The following SERINC3 variants were observed in gnomAD, a reference collection of about 807,000 sequenced individuals.
SERINC3 encodes the protein serine incorporator 3.
A neutral mutation model predicts 52.1 loss-of-function variants in SERINC3; 22 were observed. That is an observed-to-expected ratio of 0.42 (90% CI 0.30 to 0.60). The LOEUF (loss-of-function observed/expected upper bound fraction) is 0.60. Ranked by LOEUF, SERINC3 falls within the 20% of genes least tolerant of loss-of-function variation. SERINC3 has a pLI of 0.16. For missense variants in SERINC3, 564 were observed against 584.6 expected (o/e 0.96, Z 0.36); for synonymous variants, 226 against 212.7 (o/e 1.06, Z -0.54).
downstream of SERINC3, chr20:44,497,408 G>A (rs2064254444): frequency 6.6e-6 from 1 of 152,140 alleles, no homozygotes; most frequent in Non-Finnish European, 1.5e-5. Context: ...CTTTTAAAGA[G>A]CATTTGTTAC....
At chr20:44,516,402 T>C (rs2064381143) in intron 1 of SERINC3, among the ~76,000 whole-genome samples, 1 of 149,070 alleles carries the variant, frequency 6.7e-6, no homozygotes, top group East Asian at 1.9e-4. Flanking sequence ...CTTTTCTTTC[T>C]TTTTTTTTGA....
rs547290734 is a variant in SERINC3 at position 44,505,369 on chromosome 20, C to T, written c.784-478G>A. 4.6e-5 allele frequency among the ~76,000 whole-genome samples: 7 copies of T among 152,084 alleles called. No homozygotes were observed. The East Asian group carries it at 1.2e-3, about 25-fold the overall frequency. On this transcript the variant is annotated intron_variant, in intron 6 of 9. Transcript: ENST00000342374. The stretch of plus-strand genomic sequence containing the variant: ...AGACGGAGTCTCGCTTTTGTCACCC[C>T]GGCTGGAGTGCAGTGGTGCGATCTC...
At chr20:44,519,801 A>C (rs2064404208) in intron 1 of SERINC3, among the ~76,000 whole-genome samples, 1 of 152,134 alleles carries the variant, frequency 6.6e-6, no homozygotes, top group African/African-American at 2.4e-5. Context: ...AAAAAAAAAA[A>C]AGAAAAATAG....
rs1043366709 is a variant in SERINC3 at position 44,498,596 on chromosome 20, A to G, written c.*1700T>C. 4 of 149,078 alleles carry G rather than the reference A, an allele frequency of 2.7e-5. No individual in the cohort carries two copies. Among genetic ancestry groups the G allele is most frequent in the Non-Finnish European group, 6.0e-5 (4 of 67,100 alleles). The allele number at this position is 149,078 out of a possible 1,614,324, so 9.2% of individuals were successfully genotyped here. ...GTCTCAAAAAAAAAAATTAAAATTG[A>G]AAAAAAAAAATTCTAATTGCTAAGT... On this transcript the variant is annotated 3_prime_UTR_variant, in exon 10 of 10. Coordinates refer to ENST00000342374, the MANE Select transcript of SERINC3 (RefSeq NM_006811.4).
Position 44,505,320 on chromosome 20 carries a change from C to T in SERINC3, c.784-429G>A, listed in dbSNP as rs574538185. ...CTATAACTCCATGAATTTTTTTAAA[C>T]GGTTTTTTTTTCTTTTTTTTCTGAG... On this transcript the variant is annotated intron_variant, in intron 6 of 9. Transcript: ENST00000342374. Among the ~76,000 whole-genome samples the T allele has an allele frequency of 3.6e-4, 54 of 152,014 alleles. No individual in the cohort carries two copies. In the Middle Eastern group the frequency reaches 0.01, roughly 29 times the overall value.
At chr20:44,513,805 C>T (rs750308744) in intron 2 of SERINC3, 74 bp downstream of exon 2, 87 of 1,311,266 alleles carry the variant, frequency 6.6e-5, no homozygotes, top group Non-Finnish European at 8.0e-5. Flanking sequence ...TTAACAACGA[C>T]GAAATAAAAC....
intron 4 of SERINC3, among the ~76,000 whole-genome samples, 171 bp from the exon 5 acceptor site, chr20:44,510,199 G>T (rs2064338564): frequency 6.6e-6 from 1 of 152,128 alleles, no homozygotes; most frequent in Non-Finnish European, 1.5e-5. Context: ...CTTTCTACTG[G>T]GTTTCAGACC....
At chr20:44,510,853 T>G (rs2064342892) in intron 4 of SERINC3, among the ~76,000 whole-genome samples, 1 of 152,108 alleles carries the variant, frequency 6.6e-6, no homozygotes, top group Admixed American at 6.6e-5. Context: ...TAAGTCATAT[T>G]AATCGGATAC....
At chr20:44,518,879 G>A (rs2064397843) in intron 1 of SERINC3, among the ~76,000 whole-genome samples, 1 of 151,570 alleles carries the variant, frequency 6.6e-6, no homozygotes, top group East Asian at 1.9e-4. Context: ...CAGGAGAATC[G>A]CTTGAACCTG....
At chr20:44,496,951 T>C (rs1285391245), downstream of SERINC3, among the ~76,000 whole-genome samples, 1 of 152,176 alleles carries the variant, frequency 6.6e-6, no homozygotes, top group Admixed American at 6.5e-5. Context: ...AAAGTTTTAC[T>C]TCCCAACCAG....
intron 1 of SERINC3, among the ~76,000 whole-genome samples, chr20:44,518,930 C>G (rs544751395): frequency 2.6e-5 from 4 of 151,154 alleles, no homozygotes; most frequent in African/African-American, 7.3e-5. Flanking sequence ...CACCATTGCA[C>G]TCCAGCCTGG....
At position 44,499,204 on chromosome 20, in the gene SERINC3, C is replaced by G. The variant is rs2064265015; in HGVS notation, c.*1092G>C. The G allele has an allele frequency of 6.6e-6, 1 of 152,336 alleles. No individual in the cohort carries two copies. Among genetic ancestry groups the G allele is most frequent in the Admixed American group, 6.5e-5 (1 of 15,278 alleles). 9.4% of individuals were successfully genotyped at this position (152,336 alleles called of 1,614,324 possible). A position where few individuals can be genotyped will look rare whatever the true frequency, so the allele number is the denominator to read the frequency against. On this transcript the variant is annotated 3_prime_UTR_variant, in exon 10 of 10. Coordinates refer to ENST00000342374, the MANE Select transcript of SERINC3 (RefSeq NM_006811.4). Reference sequence around the variant, plus strand: ...GTCTAGTACAGAATAGACAGTAAATCTTTGTTGAAAGAACTCTTTTATTCT... The same window carrying G: ...GTCTAGTACAGAATAGACAGTAAATGTTTGTTGAAAGAACTCTTTTATTCT...
At chr20:44,516,165 A>G (rs1480271834) in intron 1 of SERINC3, among the ~76,000 whole-genome samples, 1 of 151,794 alleles carries the variant, frequency 6.6e-6, no homozygotes, top group Admixed American at 6.6e-5. Flanking sequence ...AGCCGGGTGC[A>G]GTGGCAGGCA....
chr20:44,507,613 G>A (rs1363024717), intron 5 of SERINC3, among the ~76,000 whole-genome samples: 1 of 152,228 alleles, frequency 6.6e-6, no homozygotes, highest in African/African-American at 2.4e-5. Flanking sequence ...GCTCATGCCT[G>A]TAATCCCAGC....
chr20:44,504,927 T>G lies in SERINC3; in HGVS notation c.784-36A>C, dbSNP rs753575404. On this transcript the variant is annotated intron_variant, in intron 6 of 9. Coordinates refer to ENST00000342374, the MANE Select transcript of SERINC3 (RefSeq NM_006811.4). The stretch of plus-strand genomic sequence containing the variant: ...AAAAGGAAAACAGTGGCACAGGGAC[T>G]GCCAAGGGCTGACTTTCCAAAATGC... The G allele has an allele frequency of 5.1e-6, 8 of 1,557,248 alleles. No homozygotes were observed. In the Admixed American group the frequency reaches 1.4e-4, roughly 26 times the overall value.
intron 1 of SERINC3, among the ~76,000 whole-genome samples, chr20:44,520,381 T>C (rs926775241): frequency 1.3e-5 from 2 of 152,144 alleles, no homozygotes; most frequent in African/African-American, 4.8e-5. Context: ...TTGTCTTACA[T>C]ATCACTTCAT....
At chr20:44,505,641 C>T (rs1258736628) in intron 6 of SERINC3, among the ~76,000 whole-genome samples, 1 of 151,434 alleles carries the variant, frequency 6.6e-6, no homozygotes, top group Admixed American at 6.6e-5. Flanking sequence ...TCTTATTGCC[C>T]AGGCTGGAGT....
chr20:44,506,882 A>C lies in SERINC3; in HGVS notation c.728T>G (p.Ile243Ser). Reference protein sequence around the residue: ...GCTENKFFISINLILCVVASI... With the variant: ...GCTENKFFISSNLILCVVASI... ...AGCCACAACGCAAAGGATCAGGTTA[A>C]TACTGATGAAGAACTTGTTTTCTGT... Residue 243 changes from isoleucine (I) to serine (S), a missense_variant, in exon 6 of 10, where the codon ATT becomes AGT. Transcript: ENST00000342374. 1.2e-6 allele frequency: 2 copies of C among 1,613,814 alleles called. No homozygotes were observed. The highest frequency in any genetic ancestry group is 1.7e-6 in the Non-Finnish European group (2 of 1,179,866).
rs58316790 is a variant in SERINC3 at position 44,506,281 on chromosome 20, C to CAAAAA, written c.783+541_783+545dup. 2.9e-3 allele frequency among the ~76,000 whole-genome samples: 188 copies of CAAAAA among 65,782 alleles called. 1 individual carries two copies. The highest frequency in any genetic ancestry group is 8.3e-3 in the African/African-American group (173 of 20,798). The allele number at this position is 65,782 out of a possible 152,430, so 43.2% of individuals were successfully genotyped here. ...AGGGGACAAGAGTGAGACTTTGTCTCAAAAAAAAAAAAAAAAAAAGACTCA... is the reference window on the plus strand; with the variant it reads ...AGGGGACAAGAGTGAGACTTTGTCTCAAAAAAAAAAAAAAAAAAAAAAAAGACTCA... On this transcript the variant is annotated intron_variant, in intron 6 of 9. Transcript: ENST00000342374.
Sources: allele counts gnomAD v4.1 joint callset (sites outside exome capture counted in the v4.1 genomes callset), GRCh38; gene constraint gnomAD v4.1.1; transcripts MANE v1.5; gene names NCBI Gene and HGNC (gene_info 2026-07-23, HGNC 2026-07-21).